KCNAB1: variants seen among roughly 807,000 people sequenced by gnomAD.
KCNAB1 encodes potassium voltage-gated channel subfamily A regulatory beta subunit 1, also known as voltage-gated potassium channel subunit beta-1.
In KCNAB1, 35 loss-of-function variants were observed where a neutral mutation model predicts 64.6. That is an observed-to-expected ratio of 0.54 (90% CI 0.41 to 0.72). The LOEUF (loss-of-function observed/expected upper bound fraction) is 0.72, where lower values mean the gene tolerates loss of function less well. Among genes scored for constraint, KCNAB1 ranks in the 30% least tolerant of loss-of-function variants. The probability of loss-of-function intolerance (pLI) is 0.00; values close to 1 mark genes in which losing one functional copy is unlikely to be tolerated. For missense variants in KCNAB1, 401 were observed against 512.9 expected (o/e 0.78, Z 2.11); for synonymous variants, 177 against 183.8 (o/e 0.96, Z 0.30).
At chr3:156,444,972 G>T (rs1225042779) in intron 2 of KCNAB1, among the ~76,000 whole-genome samples, 19 of 152,170 alleles carry the variant, frequency 1.2e-4, no homozygotes, top group Admixed American at 2.6e-4. Flanking sequence ...CAGCAATTGA[G>T]TAAAAGAAGA....
intron 1 of KCNAB1, among the ~76,000 whole-genome samples, chr3:156,144,147 G>A (rs977681772): frequency 1.3e-5 from 2 of 152,038 alleles, no homozygotes; most frequent in South Asian, 2.1e-4. Context: ...CTTTACGTAC[G>A]CCTGGAGTTT....
intron 11 of KCNAB1, among the ~76,000 whole-genome samples, chr3:156,516,794 G>A (rs1212230824): frequency 6.6e-6 from 1 of 152,180 alleles, no homozygotes. Flanking sequence ...TCCATATGAG[G>A]CCAAAAGTTG....
intron 8 of KCNAB1, among the ~76,000 whole-genome samples, chr3:156,510,502 T>A (rs1182746339): frequency 2.0e-5 from 3 of 152,186 alleles, no homozygotes; most frequent in Non-Finnish European, 4.4e-5. Flanking sequence ...TCACTCCAAA[T>A]GGCACACAGG....
chr3:156,364,771 T>A (rs1248964278), intron 1 of KCNAB1, among the ~76,000 whole-genome samples: 1 of 151,484 alleles, frequency 6.6e-6, no homozygotes, highest in Non-Finnish European at 1.5e-5. Flanking sequence ...AGAGTGAAAC[T>A]CCATCTCCAA....
intron 8 of KCNAB1, among the ~76,000 whole-genome samples, chr3:156,511,485 G>A (rs1717209162): frequency 6.6e-6 from 1 of 152,212 alleles, no homozygotes; most frequent in East Asian, 1.9e-4. Flanking sequence ...TCCCAAACCT[G>A]TTCTTCCTTC....
intron 1 of KCNAB1, among the ~76,000 whole-genome samples, chr3:156,341,966 G>C (rs572581202): frequency 6.6e-6 from 1 of 152,184 alleles, no homozygotes; most frequent in South Asian, 2.1e-4. Context: ...AACAGTACCA[G>C]GATATGTCTG....
At chr3:156,440,213 G>A (rs545111653) in intron 2 of KCNAB1, among the ~76,000 whole-genome samples, 1 of 152,264 alleles carries the variant, frequency 6.6e-6, no homozygotes, top group East Asian at 1.9e-4. Context: ...TTGTGTATTT[G>A]AGAACAATTC....
intron 1 of KCNAB1, among the ~76,000 whole-genome samples, chr3:156,278,888 A>C (rs1719515487): frequency 6.6e-6 from 1 of 152,190 alleles, no homozygotes; most frequent in Non-Finnish European, 1.5e-5. Flanking sequence ...ATGCTCAGTA[A>C]AACATTCATA....
At chr3:156,218,365 A>G (rs990489034) in intron 1 of KCNAB1, among the ~76,000 whole-genome samples, 3 of 152,218 alleles carry the variant, frequency 2.0e-5, no homozygotes, top group Non-Finnish European at 4.4e-5. Flanking sequence ...GGCTGAGCCC[A>G]GACATGCCTA....
intron 1 of KCNAB1, among the ~76,000 whole-genome samples, chr3:156,330,639 A>C (rs1019299552): frequency 6.6e-6 from 1 of 152,156 alleles, no homozygotes; most frequent in African/African-American, 2.4e-5. Context: ...ATCCCATTAC[A>C]TCACCTATCC....
At chr3:156,443,629 A>C (rs1025810435) in intron 2 of KCNAB1, among the ~76,000 whole-genome samples, 1 of 152,160 alleles carries the variant, frequency 6.6e-6, no homozygotes, top group Non-Finnish European at 1.5e-5. Context: ...ATGGATCTAC[A>C]TGGTGGAGGC....
intron 1 of KCNAB1, among the ~76,000 whole-genome samples, chr3:156,332,024 C>T (rs951223260): frequency 2.0e-5 from 3 of 152,162 alleles, no homozygotes; most frequent in Admixed American, 6.5e-5. Flanking sequence ...GACTTCCCTG[C>T]AGCCTTCCTT....
At chr3:156,518,946 G>C (rs914889541) in intron 11 of KCNAB1, among the ~76,000 whole-genome samples, 1 of 152,150 alleles carries the variant, frequency 6.6e-6, no homozygotes, top group African/African-American at 2.4e-5. Flanking sequence ...TTGCTTAACA[G>C]TGCCTCCACC....
intron 1 of KCNAB1, among the ~76,000 whole-genome samples, chr3:156,334,491 T>G (rs1314538217): frequency 6.6e-6 from 1 of 152,172 alleles, no homozygotes; most frequent in African/African-American, 2.4e-5. Flanking sequence ...TTTACTCTTG[T>G]CAGATGTGAT....
In KCNAB1 at chr3:156,411,423, A is replaced by C. The variant is rs980814650; in HGVS notation, c.276-10193A>C. 1.2e-4 allele frequency among the ~76,000 whole-genome samples: 19 copies of C among 152,162 alleles called. 2 individuals carry two copies. In the South Asian group the frequency reaches 3.1e-3, roughly 25 times the overall value. On this transcript the variant is annotated intron_variant, in intron 1 of 13. Coordinates refer to ENST00000490337, the MANE Select transcript of KCNAB1 (RefSeq NM_172160.3). ...CATCTTTTTTATGTCATATCTAAAA[A>C]CTTTGTCAAGCCCAAAGTCACACAT...
At chr3:156,184,480 A>T (rs13086158) in intron 1 of KCNAB1, among the ~76,000 whole-genome samples, 24,718 of 152,026 alleles carry the variant, frequency 0.16, 2,166 homozygotes, top group African/African-American at 0.18. Flanking sequence ...AAAGAAGGAG[A>T]CCCTGCAAGG....
chr3:156,453,123 T>C, intron 3 of KCNAB1, 187 bp downstream of exon 3: 1 of 462,464 alleles, frequency 2.2e-6, no homozygotes, highest in African/African-American at 2.0e-5. Context: ...ATTTAGACTA[T>C]TAATAGCCCT....
At chr3:156,485,806 C>T (rs1012616689) in intron 8 of KCNAB1, among the ~76,000 whole-genome samples, 23 of 152,018 alleles carry the variant, frequency 1.5e-4, no homozygotes, top group African/African-American at 5.1e-4. Flanking sequence ...CCTTGTGTAG[C>T]CCTTGTTTAG....
At chr3:156,136,681 G>C (rs1415629073) in intron 1 of KCNAB1, among the ~76,000 whole-genome samples, 5 of 152,228 alleles carry the variant, frequency 3.3e-5, no homozygotes, top group Non-Finnish European at 7.3e-5. Context: ...AGTAGTCATT[G>C]CTTCTAACTG....
Sources: gnomAD v4.1 joint callset for allele counts (sites outside exome capture counted in the v4.1 genomes callset) on GRCh38, gnomAD v4.1.1 for gene constraint, MANE v1.5 for transcripts, NCBI Gene and HGNC (gene_info 2026-07-23, HGNC 2026-07-21) for gene names.